MAD1L1: variants seen among roughly 807,000 people sequenced by gnomAD.
MAD1L1 encodes the protein mitotic spindle assembly checkpoint protein MAD1.
A neutral mutation model predicts 96.9 loss-of-function variants in MAD1L1; 95 were observed. The observed-to-expected ratio is 0.98, with a 90% CI of 0.83 to 1.16. The LOEUF is 1.16. Ranked by LOEUF, MAD1L1 falls within the 50% of genes most tolerant of loss-of-function variation. The probability of loss-of-function intolerance (pLI) is 0.00; values close to 1 mark genes in which losing one functional copy is unlikely to be tolerated. For synonymous variants in MAD1L1, 473 were observed against 396.6 expected (o/e 1.19, Z -2.29); for missense variants, 1,007 against 954.4 (o/e 1.06, Z -0.73).
intron 18 of MAD1L1, among the ~76,000 whole-genome samples, chr7:1,895,629 C>G (rs886223740): frequency 2.0e-5 from 3 of 152,244 alleles, no homozygotes; most frequent in African/African-American, 7.2e-5. Flanking sequence ...GAGCCAGCCC[C>G]CGGAACACGG....
chr7:2,073,449 C>A (rs1785230140), intron 11 of MAD1L1, among the ~76,000 whole-genome samples: 1 of 152,196 alleles, frequency 6.6e-6, no homozygotes, highest in Non-Finnish European at 1.5e-5. Flanking sequence ...ACCCAACCCC[C>A]TCCTCTTGCC....
intron 11 of MAD1L1, among the ~76,000 whole-genome samples, chr7:2,091,497 C>T (rs754638601): frequency 2.0e-5 from 3 of 152,184 alleles, no homozygotes; most frequent in Non-Finnish European, 2.9e-5. Flanking sequence ...TCCATCTGGC[C>T]GGACACGGTA....
At chr7:1,893,620 T>C (rs938146883) in intron 18 of MAD1L1, among the ~76,000 whole-genome samples, 2 of 151,862 alleles carry the variant, frequency 1.3e-5, no homozygotes, top group South Asian at 2.1e-4. Flanking sequence ...CTCAGGAGGG[T>C]AGCTCAGGGA....
At chr7:2,210,328 C>T (rs1181923967) in intron 10 of MAD1L1, among the ~76,000 whole-genome samples, 1 of 152,222 alleles carries the variant, frequency 6.6e-6, no homozygotes, top group Admixed American at 6.5e-5. Flanking sequence ...GCGGCAGCCT[C>T]CCAAACCACT....
chr7:1,967,230 A>G (rs555174198), intron 15 of MAD1L1, among the ~76,000 whole-genome samples: 1 of 152,210 alleles, frequency 6.6e-6, no homozygotes, highest in Non-Finnish European at 1.5e-5. Flanking sequence ...TTCCCAGAGC[A>G]AACACTCAAA....
intron 15 of MAD1L1, among the ~76,000 whole-genome samples, chr7:1,964,940 A>C (rs1044554662): frequency 6.6e-6 from 1 of 152,228 alleles, no homozygotes; most frequent in Non-Finnish European, 1.5e-5. Flanking sequence ...GACAGCATCC[A>C]GTCCAGGAAG....
chr7:2,074,910 C>A, intron 11 of MAD1L1, among the ~76,000 whole-genome samples: 1 of 152,280 alleles, frequency 6.6e-6, no homozygotes, highest in South Asian at 2.1e-4. Flanking sequence ...GCCGGGGACG[C>A]TTCCAATGGG....
intron 14 of MAD1L1, among the ~76,000 whole-genome samples, chr7:1,983,054 A>G (rs1780977849): frequency 1.3e-5 from 2 of 152,154 alleles, no homozygotes; most frequent in East Asian, 1.9e-4. Flanking sequence ...CACTCGTGAC[A>G]TGTTAACAAT....
chr7:1,916,423 G>C (rs1389196173), intron 17 of MAD1L1, among the ~76,000 whole-genome samples: 1 of 152,192 alleles, frequency 6.6e-6, no homozygotes. Flanking sequence ...GCAGCACGCT[G>C]GGCAGTACAG....
chr7:1,972,294 C>G (rs933616309), intron 15 of MAD1L1, among the ~76,000 whole-genome samples: 1 of 152,208 alleles, frequency 6.6e-6, no homozygotes, highest in African/African-American at 2.4e-5. Context: ...TAATTATTAA[C>G]TGTTTGGTAG....
chr7:2,223,310 C>T (rs1442039155), intron 4 of MAD1L1, among the ~76,000 whole-genome samples: 3 of 152,218 alleles, frequency 2.0e-5, no homozygotes, highest in Admixed American at 1.3e-4. Context: ...CCACCCCCCA[C>T]GACTGGCCTT....
intron 10 of MAD1L1, among the ~76,000 whole-genome samples, chr7:2,170,638 C>G (rs1790663088): frequency 6.6e-6 from 1 of 152,138 alleles, no homozygotes; most frequent in African/African-American, 2.4e-5. Context: ...CCTCCAAGTG[C>G]TGGAGTGAAG....
chr7:2,080,817 T>G (rs1785603578), intron 11 of MAD1L1, among the ~76,000 whole-genome samples: 1 of 151,992 alleles, frequency 6.6e-6, no homozygotes, highest in Non-Finnish European at 1.5e-5. Context: ...TGAACCTCCC[T>G]GCCAGGGAGG....
chr7:2,145,931 G>A (rs1484270356), intron 11 of MAD1L1, among the ~76,000 whole-genome samples: 1 of 152,244 alleles, frequency 6.6e-6, no homozygotes, highest in Non-Finnish European at 1.5e-5. Context: ...CATGTGTCAT[G>A]TTGGTGAAAG....
chr7:2,202,826 T>C (rs1379398520), intron 10 of MAD1L1, among the ~76,000 whole-genome samples: 1 of 152,132 alleles, frequency 6.6e-6, no homozygotes, highest in East Asian at 1.9e-4. Context: ...TAGAGGAAAA[T>C]CATGCATCCC....
intron 14 of MAD1L1, among the ~76,000 whole-genome samples, chr7:1,986,311 T>C (rs1781136300): frequency 6.6e-6 from 1 of 151,488 alleles, no homozygotes; most frequent in African/African-American, 2.4e-5. Flanking sequence ...CACCAACCTC[T>C]GCTGCAGCTT....
intron 17 of MAD1L1, among the ~76,000 whole-genome samples, chr7:1,924,886 A>T (rs1789005170): frequency 6.6e-6 from 1 of 152,202 alleles, no homozygotes; most frequent in Admixed American, 6.5e-5. Context: ...TAAAATATGA[A>T]TTATAAGTGC....
chr7:2,215,268 C>T (rs921580713), intron 9 of MAD1L1, among the ~76,000 whole-genome samples: 112 of 151,428 alleles, frequency 7.4e-4, no homozygotes, highest in African/African-American at 2.6e-3. Context: ...GTCCCAGCTA[C>T]TCAGGAGGCT....
At chr7:1,890,987 C>T (rs527574967) in intron 18 of MAD1L1, among the ~76,000 whole-genome samples, 61 of 152,308 alleles carry the variant, frequency 4.0e-4, no homozygotes, top group Non-Finnish European at 7.8e-4. Flanking sequence ...CTGTGCGGGA[C>T]CTCGGCGGGA....
Sources: allele counts gnomAD v4.1 joint callset (sites outside exome capture counted in the v4.1 genomes callset), GRCh38; gene constraint gnomAD v4.1.1; transcripts MANE v1.5; gene names NCBI Gene and HGNC (gene_info 2026-07-23, HGNC 2026-07-21).